KIR3DL2: variants seen among roughly 807,000 people sequenced by gnomAD.
The protein encoded by KIR3DL2 is killer cell immunoglobulin like receptor, three Ig domains and long cytoplasmic tail 2.
Under a neutral mutation model 41.6 loss-of-function variants are expected in KIR3DL2, and 42 were observed. That is an observed-to-expected ratio of 1.01 (90% CI 0.79 to 1.31). The LOEUF is 1.31. Among genes scored for constraint, KIR3DL2 ranks in the 50% most tolerant of loss-of-function variants. The probability of loss-of-function intolerance (pLI) is 0.00; values close to 1 mark genes in which losing one functional copy is unlikely to be tolerated. For synonymous variants in KIR3DL2, 230 were observed against 221.3 expected (o/e 1.04, Z -0.35); for missense variants, 728 against 576.8 (o/e 1.26, Z -2.68).
Position 54,864,576 on chromosome 19 carries a change from C to G in KIR3DL2, c.1001-1229C>G, listed in dbSNP as rs1418747321. On this transcript the variant is annotated intron_variant, in intron 6 of 8. Transcript: ENST00000326321. Reference sequence around the variant, plus strand: ...TCTCCTTGAAGAGGTCCTTCATATCCCTTGTAAGTTGGATTCCTAGGTATT... The same window carrying G: ...TCTCCTTGAAGAGGTCCTTCATATCGCTTGTAAGTTGGATTCCTAGGTATT... Among the ~76,000 whole-genome samples the G allele has an allele frequency of 4.6e-5, 7 of 151,954 alleles. No homozygotes were observed. The South Asian group carries it at 1.5e-3, about 32-fold the overall frequency.
In KIR3DL2 at chr19:54,866,391, A is replaced by T; in HGVS notation, c.1127A>T (p.Glu376Val). The T allele has an allele frequency of 6.2e-7, 1 of 1,613,880 alleles. No individual in the cohort carries two copies. The highest frequency in any genetic ancestry group is 8.5e-7 in the Non-Finnish European group (1 of 1,179,928). The stretch of plus-strand genomic sequence containing the variant: ...ACAGATGCTGCTGTAATGGACCAAG[A>T]GCCTGCGGGGGACAGAACAGTGAAT... ...NKKNAAVMDQ[E>V]PAGDRTVNRQ... is the part of the protein sequence containing the mutation. Residue 376 changes from glutamate (E) to valine (V), a missense_variant, in exon 8 of 9, where the codon GAG becomes GTG. By Grantham distance (121) the Glu-to-Val change is moderately radical. Coordinates refer to ENST00000326321, the MANE Select transcript of KIR3DL2 (RefSeq NM_006737.4).
chr19:54,851,347 A>G (rs1425970502), intron 2 of KIR3DL2, 92 bp downstream of exon 2: 1 of 1,415,040 alleles, frequency 7.1e-7, no homozygotes, highest in African/African-American at 1.5e-5. Flanking sequence ...AGTCTCTCAT[A>G]AACTAGGAAG....
chr19:54,852,395 A>G (rs2064351580), intron 3 of KIR3DL2, 113 bp downstream of exon 3: 1 of 1,419,048 alleles, frequency 7.0e-7, no homozygotes, highest in Non-Finnish European at 9.5e-7. Flanking sequence ...ATTTGGGGTC[A>G]AGGGAGATTG....
intron 6 of KIR3DL2, among the ~76,000 whole-genome samples, chr19:54,863,700 ATTGT>A (rs1227785813): frequency 1.3e-5 from 2 of 151,202 alleles, no homozygotes; most frequent in Non-Finnish European, 2.9e-5. Context: ...TTTTGATAGG[ATTGT>A]TTGTTTTTTT....
Position 54,866,773 on chromosome 19 carries a change from A to G in KIR3DL2, c.*42A>G, listed in dbSNP as rs878869675. 3.8e-6 allele frequency: 6 copies of G among 1,595,230 alleles called. No individual in the cohort carries two copies. The highest frequency in any genetic ancestry group is 5.2e-6 in the Non-Finnish European group (6 of 1,164,746). ...TCTCAAAACCAGGTTGCCAGATCCA[A>G]TGAACCAGCAGCTGGAATCTGAAGG... On this transcript the variant is annotated 3_prime_UTR_variant, in exon 9 of 9. Transcript: ENST00000326321.
In KIR3DL2 at chr19:54,857,005, C is replaced by T. The variant is rs1247857445; in HGVS notation, c.949+1093C>T. 2.2e-3 allele frequency among the ~76,000 whole-genome samples: 342 copies of T among 152,194 alleles called. 1 individual carries two copies. Among genetic ancestry groups the T allele is most frequent in the African/African-American group, 8.0e-3 (334 of 41,512 alleles). On this transcript the variant is annotated intron_variant, in intron 5 of 8. Transcript: ENST00000326321. The stretch of plus-strand genomic sequence containing the variant: ...CAGTGCTGGAACAGTCATATGAGTG[C>T]AGATATCACTTCGATACACTGATGT...
In KIR3DL2 at chr19:54,855,681, G is replaced by A. The variant is rs1007714308; in HGVS notation, c.718G>A (p.Val240Met). ...PGPTVQAGEN[V>M]TLSCSSWSSY... is the part of the protein sequence containing the mutation. ...CCCCACGGTTCAGGCAGGAGAGAACGTGACCTTGTCCTGTAGCTCCTGGAG... is the reference window on the plus strand; with the variant it reads ...CCCCACGGTTCAGGCAGGAGAGAACATGACCTTGTCCTGTAGCTCCTGGAG... The change falls in exon 5 of 9, where the codon GTG (valine) becomes ATG (methionine). Residue 240 changes from valine to methionine, a missense_variant. Coordinates refer to ENST00000326321, the MANE Select transcript of KIR3DL2 (RefSeq NM_006737.4). 8.0e-5 allele frequency: 129 copies of A among 1,613,520 alleles called. 2 individuals carry two copies. The African/African-American group carries it at 9.0e-4, about 11-fold the overall frequency.
At position 54,851,218 on chromosome 19, in the gene KIR3DL2, A is replaced by C; in HGVS notation, c.35-2A>C. ...ATCGTCTATCATGATCTTTCTTTCC[A>C]GGGTTCTTCTTGCTGCAGGGGGCCT... On this transcript the variant is annotated splice_acceptor_variant, in intron 1 of 8. Transcript: ENST00000326321. LOFTEE classifies it high-confidence loss of function. The C allele has an allele frequency of 6.2e-7, 1 of 1,610,280 alleles. No individual in the cohort carries two copies. Among genetic ancestry groups the C allele is most frequent in the Non-Finnish European group, 8.5e-7 (1 of 1,178,502 alleles).
intron 4 of KIR3DL2, among the ~76,000 whole-genome samples, chr19:54,855,222 T>G (rs1256726112): frequency 6.6e-6 from 1 of 150,978 alleles, no homozygotes; most frequent in Non-Finnish European, 1.5e-5. Context: ...GATAGATAAA[T>G]GATACATAGA....
At position 54,852,009 on chromosome 19, in the gene KIR3DL2, A is replaced by G. The variant is rs2064290898; in HGVS notation, c.82A>G (p.Lys28Glu). Residue 28 changes from lysine to glutamate, a missense_variant, in exon 3 of 9, where the codon AAA (lysine) becomes GAA (glutamate). Physicochemically the swap from Lys to Glu is moderately conservative, Grantham distance 56 (BLOSUM62 1). Coordinates refer to ENST00000326321, the MANE Select transcript of KIR3DL2 (RefSeq NM_006737.4). ...GAWPLMGGQDKPFLSARPSTV... is the reference protein window; with the variant it reads ...GAWPLMGGQDEPFLSARPSTV... Reference sequence around the variant, plus strand: ...TCCTTCTCCCCCAGGTGGTCAGGACAAACCCTTCCTGTCTGCCCGGCCCAG... The same window carrying G: ...TCCTTCTCCCCCAGGTGGTCAGGACGAACCCTTCCTGTCTGCCCGGCCCAG... The G allele has an allele frequency of 6.2e-7, 1 of 1,610,260 alleles. No individual in the cohort carries two copies. Among genetic ancestry groups the G allele is most frequent in the Non-Finnish European group, 8.5e-7 (1 of 1,177,966 alleles).
At chr19:54,859,051 C>T in intron 5 of KIR3DL2, 28 bp from the exon 6 acceptor site, 1 of 1,612,454 alleles carries the variant, frequency 6.2e-7, no homozygotes, top group East Asian at 2.2e-5. Flanking sequence ...CCCTCATTTC[C>T]TCACATCTCT....
chr19:54,853,871 C>A lies in KIR3DL2; in HGVS notation c.480C>A (p.Ile160=). 7 of 1,613,270 alleles carry A rather than the reference C, an allele frequency of 4.3e-6. No individual in the cohort carries two copies. The highest frequency in any genetic ancestry group is 5.9e-6 in the Non-Finnish European group (7 of 1,179,738). Residue 160 remains isoleucine (I), a synonymous_variant, in exon 4 of 9, where the codon ATC becomes ATA. Transcript: ENST00000326321. ...FEHFFLHREG[I]SEDPSRLVGQ... ...ACTTCTTTCTGCACAGAGAGGGGAT[C>A]TCTGAGGACCCCTCACGCCTCGTTG...
intron 5 of KIR3DL2, among the ~76,000 whole-genome samples, chr19:54,857,594 C>A (rs1482849390): frequency 6.6e-6 from 1 of 151,358 alleles, no homozygotes; most frequent in Non-Finnish European, 1.5e-5. Flanking sequence ...CATAGTCGCC[C>A]AGGCTGGAGT....
At chr19:54,865,207 C>A (rs1470989192) in intron 6 of KIR3DL2, among the ~76,000 whole-genome samples, 1 of 151,954 alleles carries the variant, frequency 6.6e-6, no homozygotes, top group Non-Finnish European at 1.5e-5. Context: ...AGAGCCTGGG[C>A]AACTTCTAGA....
At position 54,850,447 on chromosome 19, in the gene KIR3DL2, C is replaced by T. The variant is rs568309143; in HGVS notation, c.-29C>T. On this transcript the variant is annotated 5_prime_UTR_variant, in exon 1 of 9. Transcript: ENST00000326321. The stretch of plus-strand genomic sequence containing the variant: ...TGTGCGCTGCTGAGCTGAGCTGGGG[C>T]GCGGCCTCCTGTCTGCACCGGCAGC... 72 of 1,607,492 alleles carry T rather than the reference C, an allele frequency of 4.5e-5. No individual in the cohort carries two copies. The South Asian group carries it at 6.2e-4, about 14-fold the overall frequency.
chr19:54,862,802 C>CT (rs1210198153), intron 6 of KIR3DL2, among the ~76,000 whole-genome samples: 10,880 of 79,842 alleles, frequency 0.14, 595 homozygotes, highest in African/African-American at 0.2. Flanking sequence ...TGGGTTACTT[C>CT]TTTTTTTTTT....
chr19:54,859,837 A>C (rs2065048452), intron 6 of KIR3DL2, among the ~76,000 whole-genome samples: 2 of 152,022 alleles, frequency 1.3e-5, no homozygotes, highest in Admixed American at 1.3e-4. Context: ...TCTGCTTCTC[A>C]CTTTTCTCAG....
chr19:54,863,697 A>G (rs1253453005), intron 6 of KIR3DL2, among the ~76,000 whole-genome samples: 3 of 151,776 alleles, frequency 2.0e-5, no homozygotes, highest in Non-Finnish European at 4.4e-5. Context: ...ACTTTTTGAT[A>G]GGATTGTTTG....
intron 6 of KIR3DL2, among the ~76,000 whole-genome samples, chr19:54,864,932 T>C (rs1601831231): frequency 6.6e-6 from 1 of 152,134 alleles, no homozygotes; most frequent in East Asian, 1.9e-4. Context: ...CCCTGTCTTG[T>C]GCCAGTTTTC....
Sources: gnomAD v4.1 joint callset for allele counts (sites outside exome capture counted in the v4.1 genomes callset) on GRCh38, gnomAD v4.1.1 for gene constraint, MANE v1.5 for transcripts, NCBI Gene and HGNC (gene_info 2026-07-23, HGNC 2026-07-21) for gene names.